RNF150: variants seen among roughly 807,000 people sequenced by gnomAD.
RNF150 encodes the protein ring finger protein 150.
RNF150 carries 24 observed loss-of-function variants against 39.3 expected under a neutral mutation model. That is an observed-to-expected ratio of 0.61 (90% CI 0.44 to 0.86). RNF150 has a LOEUF of 0.86. Among genes scored for constraint, RNF150 ranks in the 40% least tolerant of loss-of-function variants. The pLI, the probability that RNF150 is intolerant of heterozygous loss-of-function variation, is 0.00. For synonymous variants in RNF150, 255 were observed against 227.3 expected, an observed-to-expected ratio of 1.12 and a Z score of -1.10; for missense variants, 502 against 587.8, an observed-to-expected ratio of 0.85 and a Z score of 1.51.
At chr4:141,137,903 A>G (rs1296265208), upstream of RNF150, among the ~76,000 whole-genome samples, 1 of 152,138 alleles carries the variant, frequency 6.6e-6, no homozygotes, top group Non-Finnish European at 1.5e-5. Context: ...ATAAGATGGA[A>G]TTAGTAGGTT....
At chr4:141,178,244 ATGTG>A (rs112444817) in intron 1 of RNF150, among the ~76,000 whole-genome samples, 148 of 149,128 alleles carry the variant, frequency 9.9e-4, no homozygotes, top group Non-Finnish European at 1.7e-3. Context: ...GTGTGTGTGT[ATGTG>A]TGTGTGTGTG....
At chr4:140,886,331 T>C (rs1426833672) in intron 6 of RNF150, among the ~76,000 whole-genome samples, 1 of 152,122 alleles carries the variant, frequency 6.6e-6, no homozygotes, top group Non-Finnish European at 1.5e-5. Flanking sequence ...GTGTATGTGG[T>C]TGTGTTCAGC....
Position 140,868,024 on chromosome 4 carries a change from G to C in RNF150, c.*237C>G. On this transcript the variant is annotated 3_prime_UTR_variant, in exon 7 of 7. Transcript: ENST00000515673. ...AGTGTATGTCTACATGGACATAGGA[G>C]TGGAAATCAGCTTTCAACTTCCCAG... The C allele has an allele frequency of 2.1e-6, 1 of 472,436 alleles. No individual in the cohort carries two copies. Among genetic ancestry groups the C allele is most frequent in the South Asian group, 3.9e-5 (1 of 25,618 alleles). 29.3% of individuals were successfully genotyped at this position (472,436 alleles called of 1,614,324 possible).
chr4:141,088,070 G>GATTT (rs1738434758), intron 1 of RNF150, among the ~76,000 whole-genome samples: 1 of 152,104 alleles, frequency 6.6e-6, no homozygotes, highest in Non-Finnish European at 1.5e-5. Context: ...GTAAACTATA[G>GATTT]ACAAATTAAT....
chr4:141,151,061 T>C (rs1727288525), intron 1 of RNF150, among the ~76,000 whole-genome samples: 1 of 152,030 alleles, frequency 6.6e-6, no homozygotes, highest in Non-Finnish European at 1.5e-5. Context: ...TGCCTCATCT[T>C]CTCAAGCAGC....
intron 1 of RNF150, among the ~76,000 whole-genome samples, chr4:140,970,514 C>A (rs921004218): frequency 4.4e-5 from 6 of 136,094 alleles, no homozygotes; most frequent in African/African-American, 1.6e-4. Flanking sequence ...ACTTAAGAAA[C>A]TAGAGTCTAA....
intron 1 of RNF150, among the ~76,000 whole-genome samples, chr4:141,070,662 CA>C (rs1329939008): frequency 6.9e-6 from 1 of 145,680 alleles, no homozygotes; most frequent in African/African-American, 2.5e-5. Flanking sequence ...CAGAGAAATG[CA>C]AATCAAAACC....
chr4:140,904,727 C>T, intron 6 of RNF150, among the ~76,000 whole-genome samples: 1 of 152,196 alleles, frequency 6.6e-6, no homozygotes, highest in East Asian at 1.9e-4. Flanking sequence ...TTTCTCTCAA[C>T]TGTCTTGATT....
intron 1 of RNF150, among the ~76,000 whole-genome samples, chr4:141,121,243 C>G (rs760089161): frequency 6.6e-6 from 1 of 152,142 alleles, no homozygotes; most frequent in Non-Finnish European, 1.5e-5. Flanking sequence ...TGCAGTTCTT[C>G]CTAGAACAGT....
chr4:141,019,033 AATATATATATATATATATATATATATAT>A (rs10527652), intron 1 of RNF150, among the ~76,000 whole-genome samples: 2 of 126,410 alleles, frequency 1.6e-5, no homozygotes, highest in South Asian at 2.5e-4. Flanking sequence ...ACTGCAAAGA[AATATATATATATATATATATATATATAT>A]ATATATATAT....
chr4:140,971,334 C>T (rs1443956397), intron 1 of RNF150, among the ~76,000 whole-genome samples: 1 of 152,088 alleles, frequency 6.6e-6, no homozygotes, highest in African/African-American at 2.4e-5. Flanking sequence ...GAGTTCAATG[C>T]TGCCTTAAGT....
intron 1 of RNF150, among the ~76,000 whole-genome samples, chr4:141,034,257 GAA>G (rs1736059464): frequency 6.6e-6 from 1 of 152,122 alleles, no homozygotes; most frequent in Admixed American, 6.6e-5. Flanking sequence ...TAAACATCAT[GAA>G]CTAGCCTCTG....
chr4:141,006,275 T>C (rs1560684100), intron 1 of RNF150, among the ~76,000 whole-genome samples: 1 of 117,814 alleles, frequency 8.5e-6, no homozygotes, highest in East Asian at 2.1e-4. Context: ...TATATATACA[T>C]ACATATATAC....
intron 1 of RNF150, among the ~76,000 whole-genome samples, chr4:141,120,362 A>AC (rs368463602): frequency 1.4e-3 from 207 of 152,242 alleles, no homozygotes; most frequent in African/African-American, 4.6e-3. Flanking sequence ...TGTAAATAAG[A>AC]CTGATAGGAG....
At chr4:141,157,312 G>T (rs1727431733) in intron 1 of RNF150, among the ~76,000 whole-genome samples, 2 of 152,108 alleles carry the variant, frequency 1.3e-5, no homozygotes, top group African/African-American at 2.4e-5. Context: ...CTGCTGCACC[G>T]AAGAAGATGT....
At chr4:140,961,573 C>T (rs1049039704) in intron 2 of RNF150, among the ~76,000 whole-genome samples, 6 of 152,104 alleles carry the variant, frequency 3.9e-5, no homozygotes, top group African/African-American at 1.2e-4. Context: ...TAGCTATGAC[C>T]TGTACAGCTA....
intron 1 of RNF150, among the ~76,000 whole-genome samples, chr4:141,196,516 G>A (rs1354255444): frequency 1.3e-5 from 2 of 152,080 alleles, no homozygotes; most frequent in Non-Finnish European, 2.9e-5. Context: ...CAGCTCTTTG[G>A]GTTTGCCTTT....
chr4:140,861,528 T>C lies in RNF150; in HGVS notation c.*6733A>G, dbSNP rs757387974. On this transcript the variant is annotated 3_prime_UTR_variant, in exon 7 of 7. Coordinates refer to ENST00000515673, the MANE Select transcript of RNF150 (RefSeq NM_020724.2). ...TCAAATTAATCTGCTGCAAGAATAA[T>C]TGCGATTACTCCAGCAGAGGGCACT... is the stretch of plus-strand genomic sequence containing the variant. The C allele has an allele frequency of 6.6e-6, 1 of 152,194 alleles. No homozygotes were observed. Among genetic ancestry groups the C allele is most frequent in the Non-Finnish European group, 1.5e-5 (1 of 68,026 alleles). The allele number at this position is 152,194 out of a possible 1,614,324, so 9.4% of individuals were successfully genotyped here.
chr4:140,971,557 G>T (rs1238061391), intron 1 of RNF150, among the ~76,000 whole-genome samples: 1 of 152,078 alleles, frequency 6.6e-6, no homozygotes, highest in Admixed American at 6.6e-5. Flanking sequence ...TTGCTATTAT[G>T]TAATTATTGT....
Sources: allele counts gnomAD v4.1 joint callset (sites outside exome capture counted in the v4.1 genomes callset), GRCh38; gene constraint gnomAD v4.1.1; transcripts MANE v1.5; gene names NCBI Gene and HGNC (gene_info 2026-07-23, HGNC 2026-07-21).